FAM169A: variants seen among roughly 807,000 people sequenced by gnomAD.
FAM169A encodes the protein family with sequence similarity 169 member A, also known as soluble lamin-associated protein of 75 kDa.
A neutral mutation model predicts 75.7 loss-of-function variants in FAM169A; 24 were observed. The ratio of observed to expected loss-of-function variants is 0.32; its 90% CI spans 0.23 to 0.45. The LOEUF is 0.45. Among genes scored for constraint, FAM169A ranks in the 20% least tolerant of loss-of-function variants. The pLI is 1.00. For synonymous variants in FAM169A, 271 were observed against 271.0 expected (o/e 1.00, Z 0.00); for missense variants, 673 against 784.0 (o/e 0.86, Z 1.69).
intron 12 of FAM169A, among the ~76,000 whole-genome samples, chr5:74,782,565 C>A (rs1236590404): frequency 6.6e-6 from 1 of 152,152 alleles, no homozygotes; most frequent in Non-Finnish European, 1.5e-5. Flanking sequence ...CCCCCACTAA[C>A]CTAATCTGTC....
At chr5:74,861,664 A>C (rs1275006201) in intron 1 of FAM169A, among the ~76,000 whole-genome samples, 2 of 148,746 alleles carry the variant, frequency 1.3e-5, no homozygotes, top group Non-Finnish European at 1.5e-5. Flanking sequence ...GCAGTGAGCC[A>C]AAAAAAAAAG....
upstream of FAM169A, chr5:74,866,866 G>C (rs912114259): frequency 1.0e-6 from 1 of 985,426 alleles, no homozygotes; most frequent in Non-Finnish European, 1.2e-6. Context: ...GGTGCAGAGG[G>C]CACGGGCGAG....
At chr5:74,819,056 T>C (rs1747637881) in intron 5 of FAM169A, among the ~76,000 whole-genome samples, 1 of 151,844 alleles carries the variant, frequency 6.6e-6, no homozygotes, top group South Asian at 2.1e-4. Flanking sequence ...CCGTCTCCAC[T>C]AAAAATACAA....
At chr5:74,839,627 C>A (rs530531617) in intron 3 of FAM169A, among the ~76,000 whole-genome samples, 1 of 150,682 alleles carries the variant, frequency 6.6e-6, no homozygotes, top group African/African-American at 2.5e-5. Flanking sequence ...TGGGTTCAAG[C>A]GATTCTCCTG....
At chr5:74,821,484 GACAT>G (rs1747763076) in intron 5 of FAM169A, among the ~76,000 whole-genome samples, 4 of 152,148 alleles carry the variant, frequency 2.6e-5, no homozygotes, top group Admixed American at 2.6e-4. Context: ...CTCCATTGAA[GACAT>G]ACATAAAGTG....
intron 5 of FAM169A, among the ~76,000 whole-genome samples, chr5:74,826,751 T>C (rs927688680): frequency 5.9e-5 from 9 of 152,178 alleles, no homozygotes; most frequent in African/African-American, 2.2e-4. Flanking sequence ...AAAATACTAT[T>C]ATCAAAACCA....
At chr5:74,818,535 T>C (rs1747586564) in intron 5 of FAM169A, among the ~76,000 whole-genome samples, 1 of 152,056 alleles carries the variant, frequency 6.6e-6, no homozygotes, top group Non-Finnish European at 1.5e-5. Context: ...TATAACCGGA[T>C]GAATCTCAAA....
intron 6 of FAM169A, among the ~76,000 whole-genome samples, chr5:74,806,644 GACT>G (rs770352597): frequency 2.6e-5 from 4 of 152,132 alleles, no homozygotes; most frequent in Non-Finnish European, 5.9e-5. Context: ...AGCCACATGT[GACT>G]ACTGAGGAAC....
chr5:74,861,806 TATC>T (rs1246801302), intron 1 of FAM169A, among the ~76,000 whole-genome samples: 1 of 152,238 alleles, frequency 6.6e-6, no homozygotes, highest in Non-Finnish European at 1.5e-5. Context: ...TCTTCATTGA[TATC>T]ATTAACAAAA....
intron 1 of FAM169A, among the ~76,000 whole-genome samples, chr5:74,844,548 A>C (rs1457024196): frequency 6.6e-6 from 1 of 152,258 alleles, no homozygotes; most frequent in Non-Finnish European, 1.5e-5. Context: ...GGCCAGACAC[A>C]GTGGCTCACG....
chr5:74,801,164 A>G (rs1175361147), intron 9 of FAM169A, 134 bp from the exon 10 acceptor site: 6 of 576,404 alleles, frequency 1.0e-5, no homozygotes, highest in Non-Finnish European at 1.7e-5. Context: ...CCCTCCCCTC[A>G]CTTATGTCAG....
At position 74,781,716 on chromosome 5, in the gene FAM169A, A is replaced by G. The variant is rs767699747; in HGVS notation, c.1757T>C (p.Leu586Pro). 2 of 1,614,198 alleles carry G rather than the reference A, an allele frequency of 1.2e-6. No individual in the cohort carries two copies. The highest frequency in any genetic ancestry group is 2.2e-5 in the South Asian group (2 of 91,086). Residue 586 changes from leucine to proline, a missense_variant, in exon 13 of 13, where the codon CTT becomes CCT. This residue lies in a region of FAM169A where 510 missense variants were observed against 550.9 expected (regional missense o/e 0.93). Transcript: ENST00000687041. ...VSEPQETSTA[L>P]PQSSLIEVEL... ...AACCTCTATCAAAGAACTCTGAGGA[A>G]GAGCAGTAGATGTTTCCTGGGGCTC...
At chr5:74,785,113 G>C (rs1382844027) in intron 11 of FAM169A, among the ~76,000 whole-genome samples, 1 of 151,882 alleles carries the variant, frequency 6.6e-6, no homozygotes, top group African/African-American at 2.4e-5. Flanking sequence ...AAGGTCAGGA[G>C]TTCAAGACCA....
At chr5:74,801,683 G>T in intron 8 of FAM169A, 54 bp from the exon 9 acceptor site, 2 of 1,320,670 alleles carry the variant, frequency 1.5e-6, no homozygotes, top group Admixed American at 2.0e-5. Context: ...TTCTCCCTAT[G>T]GATCTATTTC....
At chr5:74,804,428 G>A (rs1746744572) in intron 8 of FAM169A, 65 bp downstream of exon 8, 1 of 661,646 alleles carries the variant, frequency 1.5e-6, no homozygotes, top group Non-Finnish European at 2.5e-6. Flanking sequence ...AATATAACCT[G>A]TATCTATTTT....
chr5:74,781,947 T>C lies in FAM169A; in HGVS notation c.1526A>G (p.His509Arg), dbSNP rs371864950. Residue 509 changes from histidine to arginine, a missense_variant, in exon 13 of 13, where the codon CAC (histidine) becomes CGC (arginine). This residue lies in a region of FAM169A where 510 missense variants were observed against 550.9 expected (regional missense o/e 0.93). Transcript: ENST00000687041. ...MDEGTSDEKG[H>R]MEEKLSLLPR... Reference sequence around the variant, plus strand: ...AAGTAGGGACAATTTCTCTTCCATGTGCCCCTTTTCATCAGATGTGCCTTC... The same window carrying C: ...AAGTAGGGACAATTTCTCTTCCATGCGCCCCTTTTCATCAGATGTGCCTTC... 66 of 1,613,990 alleles carry C rather than the reference T, an allele frequency of 4.1e-5. 1 individual carries two copies. Among genetic ancestry groups the C allele is most frequent in the Admixed American group, 3.3e-5 (2 of 60,002 alleles).
In FAM169A at chr5:74,781,719, G is replaced by A; in HGVS notation, c.1754C>T (p.Ala585Val). The change falls in exon 13 of 13, where the codon GCT (alanine) becomes GTT (valine). Residue 585 changes from alanine to valine, a missense_variant. This residue lies in a region of FAM169A where 510 missense variants were observed against 550.9 expected (regional missense o/e 0.93). Coordinates refer to ENST00000687041, the MANE Select transcript of FAM169A (RefSeq NM_001376049.1). ...CTCTATCAAAGAACTCTGAGGAAGAGCAGTAGATGTTTCCTGGGGCTCAGA... is the reference window on the plus strand; with the variant it reads ...CTCTATCAAAGAACTCTGAGGAAGAACAGTAGATGTTTCCTGGGGCTCAGA... The part of the protein sequence containing the change: ...GVSEPQETST[A>V]LPQSSLIEVE... The A allele has an allele frequency of 6.2e-7, 1 of 1,614,162 alleles. No individual in the cohort carries two copies. The highest frequency in any genetic ancestry group is 2.2e-5 in the East Asian group (1 of 44,884).
chr5:74,795,233 G>C (rs1746209050), intron 11 of FAM169A, among the ~76,000 whole-genome samples: 1 of 152,162 alleles, frequency 6.6e-6, no homozygotes, highest in Admixed American at 6.6e-5. Flanking sequence ...ACTCCAGCCT[G>C]GGTGCAAAGA....
chr5:74,808,754 T>A (rs1293186877), intron 6 of FAM169A, among the ~76,000 whole-genome samples: 1 of 152,180 alleles, frequency 6.6e-6, no homozygotes, highest in Non-Finnish European at 1.5e-5. Flanking sequence ...AGTGCAATTA[T>A]CTCTGGGGAG....
Sources: allele counts gnomAD v4.1 joint callset (sites outside exome capture counted in the v4.1 genomes callset), GRCh38; gene constraint gnomAD v4.1.1; regional missense constraint gnomAD v4.1.1; transcripts MANE v1.5; gene names NCBI Gene and HGNC (gene_info 2026-07-23, HGNC 2026-07-21).